SDK1: variants seen among roughly 807,000 people sequenced by gnomAD.
SDK1 encodes protein sidekick-1.
In SDK1, 157 loss-of-function variants were observed where a neutral mutation model predicts 245.5. The ratio of observed to expected loss-of-function variants is 0.64; its 90% CI spans 0.56 to 0.73. The LOEUF (loss-of-function observed/expected upper bound fraction) is 0.73. SDK1 is among the 30% of genes least tolerant of loss of function. The probability of loss-of-function intolerance (pLI) is 0.00; values close to 1 mark genes in which losing one functional copy is unlikely to be tolerated. For synonymous variants in SDK1, 1,647 were observed against 1,278.5 expected (o/e 1.29, Z -6.15); for missense variants, 3,583 against 3,002.3 (o/e 1.19, Z -4.52).
intron 43 of SDK1, among the ~76,000 whole-genome samples, chr7:4,243,645 C>T (rs899643216): frequency 1.3e-5 from 2 of 151,984 alleles, no homozygotes; most frequent in East Asian, 1.9e-4. Context: ...TTCACTCTCA[C>T]GAGAACAGCA....
chr7:3,410,942 C>G (rs1344107353), intron 1 of SDK1, among the ~76,000 whole-genome samples: 2 of 152,056 alleles, frequency 1.3e-5, no homozygotes, highest in African/African-American at 4.8e-5. Flanking sequence ...AAATAAACAC[C>G]TCAACAGAGG....
chr7:3,633,040 A>G (rs972076757), intron 2 of SDK1, among the ~76,000 whole-genome samples: 19 of 152,234 alleles, frequency 1.2e-4, no homozygotes, highest in Non-Finnish European at 2.6e-4. Flanking sequence ...CAAGAAGGAC[A>G]TAAATGGCTT....
intron 5 of SDK1, among the ~76,000 whole-genome samples, chr7:3,897,023 G>A (rs1356548093): frequency 6.6e-6 from 1 of 152,000 alleles, no homozygotes; most frequent in African/African-American, 2.4e-5. Context: ...GAGAGCAGAG[G>A]GGAAGAACTG....
intron 1 of SDK1, among the ~76,000 whole-genome samples, chr7:3,584,756 C>T (rs1051040210): frequency 2.0e-5 from 3 of 149,272 alleles, no homozygotes; most frequent in African/African-American, 5.0e-5. Context: ...GATGGAGTCT[C>T]GCTGTCCCCC....
chr7:4,125,390 G>A (rs1469416076), intron 25 of SDK1, among the ~76,000 whole-genome samples: 1 of 151,368 alleles, frequency 6.6e-6, no homozygotes, highest in Non-Finnish European at 1.5e-5. Context: ...ATGGGTGGGT[G>A]GATGGATGGA....
chr7:3,388,373 C>G (rs952256006), intron 1 of SDK1, among the ~76,000 whole-genome samples: 3 of 148,286 alleles, frequency 2.0e-5, no homozygotes, highest in African/African-American at 5.0e-5. Context: ...CTGTCAAACG[C>G]TATGTGATTG....
intron 4 of SDK1, among the ~76,000 whole-genome samples, chr7:3,714,666 G>A (rs1001692562): frequency 6.6e-6 from 1 of 152,230 alleles, no homozygotes; most frequent in African/African-American, 2.4e-5. Flanking sequence ...AGCAGGTACA[G>A]AACTGCTGTG....
intron 2 of SDK1, among the ~76,000 whole-genome samples, chr7:3,622,088 G>A (rs1037303973): frequency 1.3e-5 from 2 of 152,148 alleles, no homozygotes; most frequent in South Asian, 4.1e-4. Flanking sequence ...ATGAGGGTAG[G>A]TATGTTAAAT....
chr7:3,473,560 C>T lies in SDK1; in HGVS notation c.299-145520C>T, dbSNP rs917152968. Among the ~76,000 whole-genome samples the T allele has an allele frequency of 4.6e-5, 7 of 152,296 alleles. No individual in the cohort carries two copies. The East Asian group carries it at 7.7e-4, about 17-fold the overall frequency. Reference sequence around the variant, plus strand: ...GATAGGACTCTTGCAGTATGTGGGACGTTGGCTGTCCTAAATGACCTCCAA... The same window carrying T: ...GATAGGACTCTTGCAGTATGTGGGATGTTGGCTGTCCTAAATGACCTCCAA... On this transcript the variant is annotated intron_variant, in intron 1 of 44. Transcript: ENST00000404826.
chr7:3,654,452 G>T (rs927954133), intron 4 of SDK1, among the ~76,000 whole-genome samples: 13 of 152,166 alleles, frequency 8.5e-5, no homozygotes, highest in Admixed American at 1.3e-4. Flanking sequence ...TGAGGATTTC[G>T]TGTTTTCTTT....
chr7:3,377,492 C>A (rs55944002), intron 1 of SDK1, among the ~76,000 whole-genome samples: 13,638 of 152,096 alleles, frequency 0.09, 868 homozygotes, highest in African/African-American at 0.17. Context: ...TGGGTTCCCC[C>A]CACACTGCTA....
chr7:4,093,458 CAAAAAAAAAAAAA>C (rs71032922), intron 22 of SDK1, among the ~76,000 whole-genome samples: 4 of 77,784 alleles, frequency 5.1e-5, no homozygotes, highest in Admixed American at 1.6e-4. Context: ...AAATGGAAAG[CAAAAAAAAAAAAA>C]AAAAAAAAAA....
At chr7:3,487,618 G>T (rs1345731627) in intron 1 of SDK1, among the ~76,000 whole-genome samples, 2 of 151,912 alleles carry the variant, frequency 1.3e-5, no homozygotes, top group African/African-American at 4.8e-5. Flanking sequence ...AGCCAGGCAT[G>T]GTAGCTTGCA....
intron 5 of SDK1, among the ~76,000 whole-genome samples, chr7:3,902,107 A>G (rs954143316): frequency 2.0e-5 from 3 of 152,128 alleles, no homozygotes; most frequent in Non-Finnish European, 4.4e-5. Context: ...GCAATATGAT[A>G]TTTACGAACC....
chr7:4,190,233 G>A (rs1163040075), intron 35 of SDK1, among the ~76,000 whole-genome samples: 3 of 152,124 alleles, frequency 2.0e-5, no homozygotes, highest in South Asian at 2.1e-4. Context: ...AACATATCAC[G>A]CGATAATGAC....
At chr7:3,440,906 G>A (rs1780174868) in intron 1 of SDK1, among the ~76,000 whole-genome samples, 1 of 152,190 alleles carries the variant, frequency 6.6e-6, no homozygotes, top group Non-Finnish European at 1.5e-5. Context: ...GCAATGTGTT[G>A]TGCCAGAATC....
chr7:4,198,503 G>C (rs995052837), intron 35 of SDK1, among the ~76,000 whole-genome samples: 5 of 152,182 alleles, frequency 3.3e-5, no homozygotes, highest in African/African-American at 1.2e-4. Context: ...ACAGCTCAGC[G>C]GCCAAGCCTA....
chr7:4,018,506 C>T (rs888848736), intron 17 of SDK1, among the ~76,000 whole-genome samples: 1 of 152,188 alleles, frequency 6.6e-6, no homozygotes, highest in Admixed American at 6.5e-5. Context: ...CTTGATTACT[C>T]ATTTGAAAAG....
At chr7:3,994,496 G>C (rs1348107535) in intron 14 of SDK1, among the ~76,000 whole-genome samples, 1 of 151,948 alleles carries the variant, frequency 6.6e-6, no homozygotes, top group Admixed American at 6.6e-5. Context: ...TAAAAAATTA[G>C]CCAGGTGTGG....
Sources: allele counts gnomAD v4.1 joint callset (sites outside exome capture counted in the v4.1 genomes callset), GRCh38; gene constraint gnomAD v4.1.1; transcripts MANE v1.5; gene names NCBI Gene and HGNC (gene_info 2026-07-23, HGNC 2026-07-21).